COL23A1: variants seen among roughly 807,000 people sequenced by gnomAD.
The protein encoded by COL23A1 is collagen alpha-1(XXIII) chain.
A neutral mutation model predicts 99.3 loss-of-function variants in COL23A1; 97 were observed. The observed-to-expected ratio is 0.98, with a 90% CI of 0.83 to 1.16. COL23A1 has a LOEUF of 1.16. COL23A1 is among the 50% of genes most tolerant of loss of function. The pLI, the probability that COL23A1 is intolerant of heterozygous loss-of-function variation, is 0.00. For missense variants in COL23A1, 762 were observed against 757.4 expected, an observed-to-expected ratio of 1.01 and a Z score of -0.07; for synonymous variants, 320 against 308.2, an observed-to-expected ratio of 1.04 and a Z score of -0.40.
intron 2 of COL23A1, among the ~76,000 whole-genome samples, chr5:178,380,353 A>C (rs1057365790): frequency 1.3e-5 from 2 of 152,008 alleles, no homozygotes; most frequent in Non-Finnish European, 2.9e-5. Flanking sequence ...ACTCCAGTGC[A>C]GCCACGTAAA....
chr5:178,357,378 A>AGG (rs1343103316), intron 2 of COL23A1, among the ~76,000 whole-genome samples: 1 of 152,222 alleles, frequency 6.6e-6, no homozygotes, highest in African/African-American at 2.4e-5. Flanking sequence ...GCTTGGCTGC[A>AGG]GGGCTGGGGC....
chr5:178,301,156 T>C (rs998636750), intron 3 of COL23A1, among the ~76,000 whole-genome samples: 5 of 152,306 alleles, frequency 3.3e-5, no homozygotes, highest in African/African-American at 9.6e-5. Context: ...TGATATCAAT[T>C]GACCTATGTG....
At chr5:178,334,648 C>A (rs561811268) in intron 2 of COL23A1, among the ~76,000 whole-genome samples, 1 of 152,308 alleles carries the variant, frequency 6.6e-6, no homozygotes, top group African/African-American at 2.4e-5. Flanking sequence ...AGAGACACTT[C>A]CCAAGAAAAT....
rs1412373123 is a variant in COL23A1, at chr5:178,245,986, G to A, written c.1414-18C>T. 1.2e-6 allele frequency: 2 copies of A among 1,613,932 alleles called. No individual in the cohort carries two copies. Among genetic ancestry groups the A allele is most frequent in the Non-Finnish European group, 1.7e-6 (2 of 1,180,018 alleles). On this transcript the variant is annotated intron_variant, in intron 24 of 28. Coordinates refer to ENST00000390654, the MANE Select transcript of COL23A1 (RefSeq NM_173465.4). ...GGTCTGCCCTGAGGAGAGACACAGA[G>A]TGGGTGAGAGGGGTTGGGGAGGGGT...
At chr5:178,270,504 G>T in intron 5 of COL23A1, 141 bp from the exon 6 acceptor site, 1 of 967,472 alleles carries the variant, frequency 1.0e-6, no homozygotes, top group South Asian at 1.4e-5. Context: ...ATGTGGCCTG[G>T]GGCTGAGGGA....
chr5:178,460,839 A>G (rs1210730831), intron 2 of COL23A1, among the ~76,000 whole-genome samples: 1 of 152,192 alleles, frequency 6.6e-6, no homozygotes, highest in Non-Finnish European at 1.5e-5. Flanking sequence ...CAAGCCCCAG[A>G]CCATGCTGCC....
chr5:178,331,416 G>T (rs902511180), intron 2 of COL23A1, among the ~76,000 whole-genome samples: 3 of 152,236 alleles, frequency 2.0e-5, no homozygotes, highest in Non-Finnish European at 2.9e-5. Context: ...CACTCCCTGA[G>T]GCTCAGTTTC....
At chr5:178,331,688 C>T (rs1273932618) in intron 2 of COL23A1, among the ~76,000 whole-genome samples, 1 of 152,226 alleles carries the variant, frequency 6.6e-6, no homozygotes, top group African/African-American at 2.4e-5. Flanking sequence ...TTCTGGGTTA[C>T]AGGCAGGGCT....
chr5:178,331,484 T>A (rs376571467), intron 2 of COL23A1, among the ~76,000 whole-genome samples: 4 of 152,288 alleles, frequency 2.6e-5, no homozygotes, highest in East Asian at 3.9e-4. Flanking sequence ...GTGAGGCTCA[T>A]ATGATGCCCT....
At chr5:178,429,107 T>C (rs1372191378) in intron 2 of COL23A1, among the ~76,000 whole-genome samples, 2 of 152,186 alleles carry the variant, frequency 1.3e-5, no homozygotes, top group Non-Finnish European at 2.9e-5. Context: ...TTGGGCCCCA[T>C]GCCAGGCACC....
chr5:178,240,285 G>A (rs1267201190), intron 27 of COL23A1, among the ~76,000 whole-genome samples: 1 of 152,210 alleles, frequency 6.6e-6, no homozygotes, highest in African/African-American at 2.4e-5. Flanking sequence ...GCATCCCCTG[G>A]AATATTCCCA....
At position 178,468,629 on chromosome 5, in the gene COL23A1, G is replaced by T. The variant is rs937487441; in HGVS notation, c.361+92053C>A. ...CCCCTCGAGTCCCCCCAGGCAGCCT[G>T]GAGGGAAGGGCCGGGTCCGAGGTCA... is the stretch of plus-strand genomic sequence containing the variant. On this transcript the variant is annotated intron_variant, in intron 2 of 28. Transcript: ENST00000390654. This position sits in a 1 kb window ranked among gnomAD's most constrained non-coding sequence, Gnocchi z 4.2. Among the ~76,000 whole-genome samples the T allele has an allele frequency of 1.3e-5, 2 of 152,126 alleles. No individual in the cohort carries two copies. Among genetic ancestry groups the T allele is most frequent in the Non-Finnish European group, 2.9e-5 (2 of 68,026 alleles).
intron 11 of COL23A1, among the ~76,000 whole-genome samples, chr5:178,260,417 G>A (rs959042257): frequency 6.6e-6 from 1 of 152,220 alleles, no homozygotes; most frequent in African/African-American, 2.4e-5. Flanking sequence ...CTAAGTGAAA[G>A]GAGCCAATCT....
chr5:178,537,433 A>G (rs976468384), intron 2 of COL23A1, among the ~76,000 whole-genome samples: 4 of 152,238 alleles, frequency 2.6e-5, no homozygotes, highest in Non-Finnish European at 4.4e-5. Context: ...AGGGCAAGCG[A>G]TATTTCCTGG....
chr5:178,358,548 GTA>G (rs1488455646), intron 2 of COL23A1, among the ~76,000 whole-genome samples: 9 of 149,462 alleles, frequency 6.0e-5, no homozygotes, highest in African/African-American at 9.9e-5. Flanking sequence ...GTATGTGTGT[GTA>G]TGTGTACGTG....
intron 2 of COL23A1, among the ~76,000 whole-genome samples, chr5:178,555,444 C>T (rs1762220081): frequency 6.6e-6 from 1 of 152,164 alleles, no homozygotes; most frequent in African/African-American, 2.4e-5. Flanking sequence ...CCTTCCCAAG[C>T]ATAGGTCACT....
At chr5:178,520,576 A>G (rs969816678) in intron 2 of COL23A1, among the ~76,000 whole-genome samples, 6 of 152,312 alleles carry the variant, frequency 3.9e-5, no homozygotes, top group African/African-American at 1.4e-4. Context: ...CAATGAGACA[A>G]AGCAGACAGG....
intron 3 of COL23A1, among the ~76,000 whole-genome samples, chr5:178,295,251 C>A (rs1757679761): frequency 6.6e-6 from 1 of 152,166 alleles, no homozygotes; most frequent in Admixed American, 6.5e-5. Flanking sequence ...TCTTGACATA[C>A]AAACATTCCT....
chr5:178,377,169 G>A (rs981216784), intron 2 of COL23A1, among the ~76,000 whole-genome samples: 1 of 152,214 alleles, frequency 6.6e-6, no homozygotes, highest in African/African-American at 2.4e-5. Flanking sequence ...GCAGCGGGTA[G>A]GAACCAGCAT....
Sources: allele counts gnomAD v4.1 joint callset (sites outside exome capture counted in the v4.1 genomes callset), GRCh38; gene constraint gnomAD v4.1.1; non-coding constraint Gnocchi (gnomAD v3.1); transcripts MANE v1.5; gene names NCBI Gene and HGNC (gene_info 2026-07-23, HGNC 2026-07-21).